The following PDGFRL variants were observed in gnomAD, a reference collection of about 807,000 sequenced individuals.
PDGFRL encodes the protein platelet derived growth factor receptor like.
Under a neutral mutation model 37.2 loss-of-function variants are expected in PDGFRL, and 46 were observed. The observed-to-expected ratio is 1.24, with a 90% CI of 0.98 to 1.58. The LOEUF (loss-of-function observed/expected upper bound fraction) is 1.58. PDGFRL is among the 40% of genes most tolerant of loss of function. The pLI is 0.00. For missense variants in PDGFRL, 692 were observed against 467.6 expected (o/e 1.48, Z -4.43); for synonymous variants, 251 against 184.3 (o/e 1.36, Z -2.93).
At chr8:17,590,236 C>CAAAAA (rs770779669) in intron 2 of PDGFRL, among the ~76,000 whole-genome samples, 527 of 35,518 alleles carry the variant, frequency 0.015, 23 homozygotes, top group African/African-American at 0.031. Flanking sequence ...GACTCCATCT[C>CAAAAA]AAAAAAAAAA....
At chr8:17,621,352 A>T (rs1312730297) in intron 3 of PDGFRL, 150 bp downstream of exon 3, 1 of 495,944 alleles carries the variant, frequency 2.0e-6, no homozygotes, top group Non-Finnish European at 3.6e-6. Context: ...TACATCAGTT[A>T]TTTCATGTAA....
chr8:17,607,579 C>T (rs1484030404), intron 2 of PDGFRL, among the ~76,000 whole-genome samples: 1 of 152,158 alleles, frequency 6.6e-6, no homozygotes, highest in Non-Finnish European at 1.5e-5. Flanking sequence ...ATATCACCAA[C>T]TATGTTAGAT....
At chr8:17,621,522 G>T (rs985974879) in intron 3 of PDGFRL, among the ~76,000 whole-genome samples, 2 of 151,952 alleles carry the variant, frequency 1.3e-5, no homozygotes, top group African/African-American at 2.4e-5. Context: ...TGGTTCCAGG[G>T]TCTGTCCCTG....
At chr8:17,591,562 A>G (rs889538672) in intron 2 of PDGFRL, among the ~76,000 whole-genome samples, 3 of 152,210 alleles carry the variant, frequency 2.0e-5, no homozygotes, top group Admixed American at 1.3e-4. Flanking sequence ...GAGAAATAGG[A>G]TGGACTTACA....
intron 4 of PDGFRL, among the ~76,000 whole-genome samples, chr8:17,633,825 C>T (rs1410482254): frequency 6.6e-6 from 1 of 152,178 alleles, no homozygotes; most frequent in Non-Finnish European, 1.5e-5. Flanking sequence ...GCTTCCTCTC[C>T]TAATCACAGT....
At position 17,642,970 on chromosome 8, in the gene PDGFRL, G is replaced by C. The variant is rs995891261; in HGVS notation, c.*169G>C. ...ATCCAAACTAAAAGGAAGTCATCCA[G>C]TCTATTCACAGAAGTGTTAACTTTT... is the stretch of plus-strand genomic sequence containing the variant. On this transcript the variant is annotated 3_prime_UTR_variant, in exon 6 of 6. Coordinates refer to ENST00000251630, the MANE Select transcript of PDGFRL (RefSeq NM_001372073.1). 3 of 570,810 alleles carry C rather than the reference G, an allele frequency of 5.3e-6. No individual in the cohort carries two copies. The highest frequency in any genetic ancestry group is 9.2e-6 in the Non-Finnish European group (3 of 325,468). The allele number at this position is 570,810 out of a possible 1,614,324, so 35.4% of individuals were successfully genotyped here. A position where few individuals can be genotyped will look rare whatever the true frequency, so the allele number is the denominator to read the frequency against.
chr8:17,586,482 G>A (rs1803820774), intron 1 of PDGFRL, among the ~76,000 whole-genome samples: 1 of 152,200 alleles, frequency 6.6e-6, no homozygotes, highest in African/African-American at 2.4e-5. Context: ...GAGAGGCAAT[G>A]GCATGAGCCA....
In PDGFRL at chr8:17,628,711, G is replaced by GT; in HGVS notation, c.733dup (p.Tyr245LeufsTer71). 2 of 1,614,104 alleles carry GT rather than the reference G, an allele frequency of 1.2e-6. No homozygotes were observed. The highest frequency in any genetic ancestry group is 1.7e-6 in the Non-Finnish European group (2 of 1,179,932). On this transcript the variant is annotated frameshift_variant, in exon 4 of 6. Transcript: ENST00000251630. LOFTEE classifies it high-confidence loss of function. ...ACCTCATTCCGAGCACCAGGGTGTGGTTTACTGCAGGGCGGAGGCCGGGGG... is the reference window on the plus strand; with the variant it reads ...ACCTCATTCCGAGCACCAGGGTGTGGTTTTACTGCAGGGCGGAGGCCGGGGG...
chr8:17,630,629 G>GCTCCCCTCCC (rs890729567), intron 4 of PDGFRL, among the ~76,000 whole-genome samples: 18 of 152,158 alleles, frequency 1.2e-4, no homozygotes, highest in African/African-American at 3.1e-4. Flanking sequence ...AGTTCCCTCC[G>GCTCCCCTCCC]CTCCCCTCCC....
At chr8:17,596,798 C>T (rs1331406003) in intron 2 of PDGFRL, among the ~76,000 whole-genome samples, 1 of 152,186 alleles carries the variant, frequency 6.6e-6, no homozygotes. Context: ...GCTATATCAA[C>T]CACAGATGTG....
Position 17,628,528 on chromosome 8 carries a change from G to A in PDGFRL, c.547G>A (p.Val183Ile), listed in dbSNP as rs1380273404. 6.2e-7 allele frequency: 1 copy of A among 1,613,940 alleles called. No homozygotes were observed. The highest frequency in any genetic ancestry group is 8.5e-7 in the Non-Finnish European group (1 of 1,179,940). ...LFVPSPSYFDVVYLNPDRQAV... is the reference protein window; with the variant it reads ...LFVPSPSYFDIVYLNPDRQAV... ...TGTACCTTCTCCCAGCTACTTCGAT[G>A]TTGTCTACTTGAACCCGGACAGACA... The change falls in exon 4 of 6, where the codon GTT (valine) becomes ATT (isoleucine). Residue 183 changes from valine (V) to isoleucine (I), a missense_variant. Transcript: ENST00000251630.
chr8:17,583,418 C>G (rs1320378206), intron 1 of PDGFRL, among the ~76,000 whole-genome samples: 1 of 152,188 alleles, frequency 6.6e-6, no homozygotes, highest in Non-Finnish European at 1.5e-5. Context: ...TTTTGATTTT[C>G]CAGGCTCACA....
intron 3 of PDGFRL, among the ~76,000 whole-genome samples, chr8:17,625,748 G>A (rs1804721181): frequency 1.3e-5 from 2 of 152,138 alleles, no homozygotes; most frequent in Non-Finnish European, 2.9e-5. Context: ...CAGCACTTTG[G>A]GAGGCCAAGG....
intron 2 of PDGFRL, among the ~76,000 whole-genome samples, chr8:17,599,908 C>G (rs143948714): frequency 1.6e-4 from 24 of 152,268 alleles, no homozygotes; most frequent in African/African-American, 5.1e-4. Context: ...TACCTACTTT[C>G]CCAGGAACTT....
At chr8:17,614,149 A>T (rs989943605) in intron 2 of PDGFRL, among the ~76,000 whole-genome samples, 2 of 152,070 alleles carry the variant, frequency 1.3e-5, no homozygotes, top group African/African-American at 4.8e-5. Flanking sequence ...GATTCGTAAT[A>T]GATAGATTGA....
chr8:17,597,222 A>T (rs2299569), intron 2 of PDGFRL, among the ~76,000 whole-genome samples: 21,927 of 152,056 alleles, frequency 0.14, 4,224 homozygotes, highest in African/African-American at 0.43. Context: ...GCTTTCGGTA[A>T]GTTGGCCAGG....
chr8:17,642,675 C>T lies in PDGFRL; in HGVS notation c.1002C>T (p.Thr334=), dbSNP rs181930099. The T allele has an allele frequency of 1.9e-6, 3 of 1,604,532 alleles. No homozygotes were observed. The African/African-American group carries it at 4.0e-5, about 21-fold the overall frequency. The change falls in exon 6 of 6, where the codon ACC becomes ACT. Residue 334 remains threonine (T), a synonymous_variant. Coordinates refer to ENST00000251630, the MANE Select transcript of PDGFRL (RefSeq NM_001372073.1). ...TGATCCACAGAGGACTGGGACACAC[C>T]ACGAGAATCTCCCAGAGTGTCATTA... ...WRLIHRGLGH[T]TRISQSVITV...
chr8:17,598,475 T>C (rs1354894271), intron 2 of PDGFRL, among the ~76,000 whole-genome samples: 1 of 152,242 alleles, frequency 6.6e-6, no homozygotes. Context: ...GAAGTATGTT[T>C]TGGCTTCCAC....
In PDGFRL at chr8:17,640,151, A is replaced by G. The variant is rs552284914; in HGVS notation, c.940-2462A>G. ...ATTATGATTGTTTTCTATTTTTGCT[A>G]TCTATTTCACTGAAGATTTTTCCCT... On this transcript the variant is annotated intron_variant, in intron 5 of 5. Transcript: ENST00000251630. 3.3e-5 allele frequency among the ~76,000 whole-genome samples: 5 copies of G among 151,986 alleles called. No homozygotes were observed. The East Asian group carries it at 9.7e-4, about 29-fold the overall frequency.
Sources: allele counts gnomAD v4.1 joint callset (sites outside exome capture counted in the v4.1 genomes callset), GRCh38; gene constraint gnomAD v4.1.1; transcripts MANE v1.5; gene names NCBI Gene and HGNC (gene_info 2026-07-23, HGNC 2026-07-21).